The following ZNF804B variants were observed in gnomAD, a reference collection of about 807,000 sequenced individuals.
ZNF804B encodes the protein zinc finger protein 804B, also known as zinc finger 804B.
In ZNF804B, 80 loss-of-function variants were observed where a neutral mutation model predicts 101.4. The observed-to-expected ratio is 0.79, with a 90% CI of 0.66 to 0.95. The LOEUF (loss-of-function observed/expected upper bound fraction) is 0.95, where lower values mean the gene tolerates loss of function less well. ZNF804B is among the 40% of genes least tolerant of loss of function. The probability of loss-of-function intolerance (pLI) is 0.00; values close to 1 mark genes in which losing one functional copy is unlikely to be tolerated. For missense variants in ZNF804B, 1,673 were observed against 1,561.9 expected (o/e 1.07, Z -1.20); for synonymous variants, 622 against 558.8 (o/e 1.11, Z -1.59).
At chr7:89,017,566 G>T (rs1325414729) in intron 1 of ZNF804B, among the ~76,000 whole-genome samples, 2 of 152,054 alleles carry the variant, frequency 1.3e-5, no homozygotes, top group South Asian at 4.1e-4. Context: ...AATATCATTG[G>T]TATTTTAATA....
intron 2 of ZNF804B, among the ~76,000 whole-genome samples, chr7:89,255,713 C>G (rs995017352): frequency 6.6e-6 from 1 of 151,718 alleles, no homozygotes; most frequent in Middle Eastern, 3.2e-3. Flanking sequence ...AAGCAGATAG[C>G]CTAAGGAAAA....
At position 89,314,063 on chromosome 7, in the gene ZNF804B, A is replaced by G. The variant is rs2115952375; in HGVS notation, c.250-13281A>G. Among the ~76,000 whole-genome samples, 2 of 152,314 alleles carry G rather than the reference A, an allele frequency of 1.3e-5. 1 individual carries two copies. Among genetic ancestry groups the G allele is most frequent in the South Asian group, 4.1e-4 (2 of 4,826 alleles). ...AGTTTTTCCCCCTTCTGTGATTAAT[A>G]TAAATTTTGTGTAGTATTAATACCC... is the stretch of plus-strand genomic sequence containing the variant. On this transcript the variant is annotated intron_variant, in intron 2 of 3. Coordinates refer to ENST00000333190, the MANE Select transcript of ZNF804B (RefSeq NM_181646.5).
intron 1 of ZNF804B, among the ~76,000 whole-genome samples, chr7:88,815,747 C>T (rs980506450): frequency 6.6e-6 from 1 of 152,104 alleles, no homozygotes. Flanking sequence ...TCCTCTTTTG[C>T]ATATGTGTAC....
intron 1 of ZNF804B, among the ~76,000 whole-genome samples, chr7:88,926,438 A>AAG (rs1009971109): frequency 6.6e-6 from 1 of 150,790 alleles, no homozygotes; most frequent in Non-Finnish European, 1.5e-5. Flanking sequence ...AATACAAAAA[A>AAG]AAAAAAAATA....
chr7:89,334,610 C>A lies in ZNF804B; in HGVS notation c.1628C>A (p.Pro543Gln). Residue 543 changes from proline to glutamine, a missense_variant, in exon 4 of 4, where the codon CCG becomes CAG. Coordinates refer to ENST00000333190, the MANE Select transcript of ZNF804B (RefSeq NM_181646.5). The stretch of plus-strand genomic sequence containing the variant: ...AAACCAAAGACGATGATAGCTAATC[C>A]GGATTGGGAAAAATTCCAGAGGAAA... ...YPKPKTMIAN[P>Q]DWEKFQRKYN... The A allele has an allele frequency of 6.2e-7, 1 of 1,613,630 alleles. No individual in the cohort carries two copies.
At chr7:88,946,062 C>T (rs1793123511) in intron 1 of ZNF804B, among the ~76,000 whole-genome samples, 1 of 152,076 alleles carries the variant, frequency 6.6e-6, no homozygotes, top group Non-Finnish European at 1.5e-5. Flanking sequence ...TCCTCTCTTC[C>T]TATGTGAATA....
chr7:89,261,034 A>T (rs1487436406), intron 2 of ZNF804B, among the ~76,000 whole-genome samples: 1 of 152,208 alleles, frequency 6.6e-6, no homozygotes, highest in Non-Finnish European at 1.5e-5. Context: ...GAACTGCTCA[A>T]TTGAAATGAG....
intron 1 of ZNF804B, among the ~76,000 whole-genome samples, chr7:88,898,125 A>C (rs1434479514): frequency 9.2e-6 from 1 of 108,240 alleles, no homozygotes; most frequent in African/African-American, 3.6e-5. Flanking sequence ...CTCACTCTGT[A>C]GCCCAGGCTC....
intron 1 of ZNF804B, among the ~76,000 whole-genome samples, chr7:88,928,950 T>C (rs1275156661): frequency 3.9e-5 from 6 of 152,188 alleles, no homozygotes; most frequent in Middle Eastern, 3.4e-3. Context: ...GTATATTCAA[T>C]TGAGCCCTTG....
At chr7:89,233,318 C>A (rs1290121584) in intron 2 of ZNF804B, among the ~76,000 whole-genome samples, 1 of 152,174 alleles carries the variant, frequency 6.6e-6, no homozygotes, top group Non-Finnish European at 1.5e-5. Context: ...TAAAGTAATT[C>A]TATGGGGAAC....
intron 2 of ZNF804B, among the ~76,000 whole-genome samples, chr7:89,295,248 G>T (rs1163113979): frequency 2.0e-5 from 3 of 152,032 alleles, no homozygotes; most frequent in African/African-American, 7.2e-5. Flanking sequence ...GTCTCAGTGC[G>T]TGCACCCTAT....
chr7:88,842,689 A>G (rs1394867505), intron 1 of ZNF804B, among the ~76,000 whole-genome samples: 1 of 152,210 alleles, frequency 6.6e-6, no homozygotes, highest in East Asian at 1.9e-4. Flanking sequence ...AATTTTCCTT[A>G]GAAGAAATAG....
intron 1 of ZNF804B, among the ~76,000 whole-genome samples, chr7:88,992,724 G>A (rs1056136719): frequency 1.3e-5 from 2 of 151,858 alleles, no homozygotes; most frequent in Non-Finnish European, 2.9e-5. Context: ...TATAATCAAG[G>A]TGTGATATCT....
intron 1 of ZNF804B, among the ~76,000 whole-genome samples, chr7:88,992,883 C>T (rs1278201127): frequency 6.6e-6 from 1 of 151,926 alleles, no homozygotes; most frequent in Non-Finnish European, 1.5e-5. Context: ...AATAGTCCTT[C>T]TCAGAGTTCA....
At chr7:89,230,820 G>C (rs1271029632) in intron 2 of ZNF804B, among the ~76,000 whole-genome samples, 1 of 151,952 alleles carries the variant, frequency 6.6e-6, no homozygotes, top group African/African-American at 2.4e-5. Context: ...ACTGTGATTT[G>C]TTTTGATTCC....
At chr7:88,899,529 T>C (rs978203215) in intron 1 of ZNF804B, among the ~76,000 whole-genome samples, 1 of 152,200 alleles carries the variant, frequency 6.6e-6, no homozygotes, top group Admixed American at 6.5e-5. Context: ...ACTTAAGAAT[T>C]GCCTCAGCTC....
intron 1 of ZNF804B, among the ~76,000 whole-genome samples, chr7:88,977,075 G>A (rs925197536): frequency 9.9e-5 from 15 of 151,714 alleles, no homozygotes; most frequent in African/African-American, 2.4e-4. Context: ...ACATTACTGC[G>A]ATAGATCTCA....
intron 1 of ZNF804B, among the ~76,000 whole-genome samples, chr7:88,905,040 A>G (rs1274348270): frequency 1.3e-5 from 2 of 152,156 alleles, no homozygotes; most frequent in Non-Finnish European, 2.9e-5. Context: ...CTCAAGGGAA[A>G]TGTTTCCAAC....
At chr7:89,320,034 A>T (rs968675471) in intron 2 of ZNF804B, among the ~76,000 whole-genome samples, 5 of 150,924 alleles carry the variant, frequency 3.3e-5, no homozygotes, top group Admixed American at 1.3e-4. Flanking sequence ...AGTCAATACA[A>T]CTAGATTCAG....
Sources: allele counts gnomAD v4.1 joint callset (sites outside exome capture counted in the v4.1 genomes callset), GRCh38; gene constraint gnomAD v4.1.1; transcripts MANE v1.5; gene names NCBI Gene and HGNC (gene_info 2026-07-23, HGNC 2026-07-21).